Variants in ROBO1 observed in about 807,000 individuals in gnomAD.
ROBO1 encodes roundabout homolog 1.
Under a neutral mutation model 195.9 loss-of-function variants are expected in ROBO1, and 149 were observed. The observed-to-expected ratio is 0.76, with a 90% CI of 0.67 to 0.87. The LOEUF is 0.87. Ranked by LOEUF, ROBO1 falls within the 40% of genes least tolerant of loss-of-function variation. The pLI is 0.00. For missense variants in ROBO1, 1,933 were observed against 2,068.3 expected (o/e 0.93, Z 1.27); for synonymous variants, 816 against 733.2 (o/e 1.11, Z -1.82).
At chr3:79,036,308 C>T (rs2078380598) in intron 3 of ROBO1, among the ~76,000 whole-genome samples, 1 of 151,470 alleles carries the variant, frequency 6.6e-6, no homozygotes. Flanking sequence ...ATGAATTTTG[C>T]CTTAAATAAA....
intron 3 of ROBO1, among the ~76,000 whole-genome samples, chr3:78,968,666 TCA>T (rs1432195241): frequency 1.3e-5 from 2 of 152,128 alleles, no homozygotes; most frequent in African/African-American, 4.8e-5. Context: ...CAAATTTCAC[TCA>T]GTCTTCTTTC....
At chr3:78,615,339 A>G (rs3821594) in intron 27 of ROBO1, among the ~76,000 whole-genome samples, 5,135 of 152,274 alleles carry the variant, frequency 0.034, 250 homozygotes, top group African/African-American at 0.11. Context: ...TCTAGCTCAC[A>G]TATTTAGGTC....
At chr3:79,508,331 G>C (rs1219116453) in intron 2 of ROBO1, among the ~76,000 whole-genome samples, 1 of 152,118 alleles carries the variant, frequency 6.6e-6, no homozygotes, top group East Asian at 1.9e-4. Flanking sequence ...CATGGAAGAA[G>C]ATAGCTATCT....
At chr3:78,640,142 G>A (rs895523873) in intron 21 of ROBO1, among the ~76,000 whole-genome samples, 5 of 151,892 alleles carry the variant, frequency 3.3e-5, no homozygotes, top group African/African-American at 4.8e-5. Flanking sequence ...CTAAAATCTC[G>A]TATCATTTGC....
chr3:79,478,892 G>A (rs972032166), intron 2 of ROBO1, among the ~76,000 whole-genome samples: 1 of 152,058 alleles, frequency 6.6e-6, no homozygotes, highest in East Asian at 1.9e-4. Context: ...TCCTGACTTG[G>A]CAACTATTGC....
intron 1 of ROBO1, among the ~76,000 whole-genome samples, chr3:79,672,032 T>C (rs747124889): frequency 3.3e-5 from 5 of 151,992 alleles, no homozygotes; most frequent in Non-Finnish European, 5.9e-5. Flanking sequence ...TTCTCATTCA[T>C]TGATCACAAA....
At chr3:78,698,622 A>G (rs747360027) in intron 8 of ROBO1, among the ~76,000 whole-genome samples, 13 of 152,166 alleles carry the variant, frequency 8.5e-5, no homozygotes, top group Admixed American at 6.5e-4. Context: ...GAGGCCAATG[A>G]TACTGACAAA....
chr3:79,135,347 T>C (rs1220531323), intron 2 of ROBO1, among the ~76,000 whole-genome samples: 1 of 152,160 alleles, frequency 6.6e-6, no homozygotes, highest in Non-Finnish European at 1.5e-5. Flanking sequence ...TAATCAAACT[T>C]ACTATCACCA....
intron 4 of ROBO1, among the ~76,000 whole-genome samples, chr3:78,756,376 C>T (rs141515872): frequency 6.6e-6 from 1 of 152,100 alleles, no homozygotes; most frequent in African/African-American, 2.4e-5. Context: ...TTTAAGGACA[C>T]AAGAACTAAT....
At position 78,703,193 on chromosome 3, in the gene ROBO1, A is replaced by AAAAACAAAAC. The variant is rs533932635; in HGVS notation, c.1045+11194_1045+11203dup. ...AGTTCTTTACTTTATTCCTCTAGGG[A>AAAAACAAAAC]AAAACAAAACAAAACAAAACAAAAC... On this transcript the variant is annotated intron_variant, in intron 8 of 30. Coordinates refer to ENST00000464233, the MANE Select transcript of ROBO1 (RefSeq NM_002941.4). Among the ~76,000 whole-genome samples the AAAAACAAAAC allele has an allele frequency of 2.0e-5, 3 of 152,240 alleles. No homozygotes were observed. In the South Asian group the frequency reaches 6.2e-4, roughly 32 times the overall value.
intron 4 of ROBO1, among the ~76,000 whole-genome samples, chr3:78,837,908 A>C (rs1019758807): frequency 5.3e-5 from 8 of 152,188 alleles, no homozygotes; most frequent in African/African-American, 1.9e-4. Context: ...CTTAATTCTG[A>C]TTATAAATAT....
At chr3:78,708,685 T>C (rs988972862) in intron 8 of ROBO1, among the ~76,000 whole-genome samples, 2 of 152,196 alleles carry the variant, frequency 1.3e-5, no homozygotes, top group Non-Finnish European at 2.9e-5. Context: ...AATGACACGC[T>C]GTTTAAAAAC....
chr3:78,616,213 C>T (rs1190967936), intron 27 of ROBO1, among the ~76,000 whole-genome samples: 2 of 152,034 alleles, frequency 1.3e-5, no homozygotes, highest in African/African-American at 4.8e-5. Flanking sequence ...CTAACGTATT[C>T]TCAAAGCAGT....
rs779942722 is a variant in ROBO1 at position 78,633,973 on chromosome 3, C to T, written c.3443G>A (p.Gly1148Glu). The T allele has an allele frequency of 1.2e-6, 2 of 1,612,800 alleles. No homozygotes were observed. Among genetic ancestry groups the T allele is most frequent in the South Asian group, 1.1e-5 (1 of 91,032 alleles). The stretch of plus-strand genomic sequence containing the variant: ...GCCCCGGTCTGAGCTGTTGTAGGAT[C>T]CTCCTGTGTTCTGGTCGTATGATTG... ...YNQSYDQNTGGSYNSSDRGSS... is the reference protein window; with the variant it reads ...YNQSYDQNTGESYNSSDRGSS... The change falls in exon 24 of 31, where the codon GGA becomes GAA. Residue 1148 changes from glycine (G) to glutamate (E), a missense_variant. Physicochemically the swap from Gly to Glu is moderately conservative, Grantham distance 98. Around this residue, in one of 3 missense-constraint regions of ROBO1, gnomAD observed 1,737 missense variants for 1,882.5 expected, o/e 0.92. Coordinates refer to ENST00000464233, the MANE Select transcript of ROBO1 (RefSeq NM_002941.4).
At chr3:79,354,823 G>A (rs1351809460) in intron 2 of ROBO1, among the ~76,000 whole-genome samples, 9 of 152,064 alleles carry the variant, frequency 5.9e-5, no homozygotes, top group Non-Finnish European at 8.8e-5. Context: ...ATAATAACAC[G>A]TCAAGCCTAG....
chr3:78,911,205 T>C (rs1363279442), intron 4 of ROBO1, among the ~76,000 whole-genome samples: 2 of 151,932 alleles, frequency 1.3e-5, no homozygotes, highest in East Asian at 3.9e-4. Context: ...CTAAAGGAAA[T>C]AATAGATAAT....
intron 2 of ROBO1, among the ~76,000 whole-genome samples, chr3:79,213,816 C>CTTTTTTTTTTTTTTTTTTTTTTTTTTTTT (rs59942369): frequency 1.3e-5 from 1 of 74,590 alleles, no homozygotes; most frequent in Non-Finnish European, 2.7e-5. Flanking sequence ...TCTCCCCTTT[C>CTTTTTTTTTTTTTTTTTTTTTTTTTTTTT]TTTTTTTTTT....
chr3:78,850,470 A>G (rs1411259237), intron 4 of ROBO1, among the ~76,000 whole-genome samples: 6 of 152,240 alleles, frequency 3.9e-5, no homozygotes, highest in African/African-American at 1.4e-4. Context: ...CAAGAAAAAC[A>G]TAACAAAATA....
chr3:78,733,836 T>C (rs1039022859), intron 5 of ROBO1, among the ~76,000 whole-genome samples: 2 of 152,126 alleles, frequency 1.3e-5, no homozygotes, highest in Admixed American at 1.3e-4. Flanking sequence ...GCCTGGAAAC[T>C]GAAGAAACTC....
Sources: allele counts gnomAD v4.1 joint callset (sites outside exome capture counted in the v4.1 genomes callset), GRCh38; gene constraint gnomAD v4.1.1; regional missense constraint gnomAD v4.1.1; transcripts MANE v1.5; gene names NCBI Gene and HGNC (gene_info 2026-07-23, HGNC 2026-07-21).